Variants in CASD1 observed in about 807,000 individuals in gnomAD.
CASD1 encodes the protein N-acetylneuraminate (7)9-O-acetyltransferase.
Under a neutral mutation model 100.0 loss-of-function variants are expected in CASD1, and 41 were observed. That is an observed-to-expected ratio of 0.41 (90% CI 0.32 to 0.53). The LOEUF is 0.53. Ranked by LOEUF, CASD1 falls within the 20% of genes least tolerant of loss-of-function variation. The probability of loss-of-function intolerance (pLI) is 0.25; values close to 1 mark genes in which losing one functional copy is unlikely to be tolerated. For missense variants in CASD1, 774 were observed against 948.7 expected (o/e 0.82, Z 2.42); for synonymous variants, 321 against 315.6 (o/e 1.02, Z -0.18).
intron 1 of CASD1, among the ~76,000 whole-genome samples, chr7:94,512,159 G>T (rs927012818): frequency 6.6e-6 from 1 of 152,214 alleles, no homozygotes; most frequent in Non-Finnish European, 1.5e-5. Context: ...CTTTAGGACA[G>T]AGGTGGCCAA....
the CASD1 span, chr7:94,599,534 C>T: frequency 1.6e-6 from 1 of 634,800 alleles, no homozygotes; most frequent in South Asian, 2.0e-5. Context: ...TTAGTTTCTA[C>T]CCCTCCTAAA....
chr7:94,513,877 ATAT>A (rs970594840), intron 1 of CASD1, among the ~76,000 whole-genome samples: 1 of 152,176 alleles, frequency 6.6e-6, no homozygotes, highest in African/African-American at 2.4e-5. Context: ...AAAATTATTA[ATAT>A]TATTTTCACA....
chr7:94,568,191 A>G, the CASD1 span, among the ~76,000 whole-genome samples: 14 of 152,198 alleles, frequency 9.2e-5, no homozygotes, highest in African/African-American at 3.4e-4. Flanking sequence ...ATGAATAGCT[A>G]GTGATACAGA....
chr7:94,597,178 TTAA>T, the CASD1 span: 1 of 152,300 alleles, frequency 6.6e-6, no homozygotes, highest in Admixed American at 6.5e-5. Context: ...CCCTGATATA[TTAA>T]TGTTTCAAAA....
At chr7:94,566,714 C>A in the CASD1 span, among the ~76,000 whole-genome samples, 1 of 151,854 alleles carries the variant, frequency 6.6e-6, no homozygotes, top group Non-Finnish European at 1.5e-5. Context: ...CTCTTTTTTT[C>A]AAATGTGCCA....
intron 3 of CASD1, among the ~76,000 whole-genome samples, chr7:94,525,947 CT>C (rs1794544362): frequency 6.6e-6 from 1 of 152,164 alleles, no homozygotes; most frequent in African/African-American, 2.4e-5. Context: ...CCTTTCCCAC[CT>C]ACGATTTCTA....
chr7:94,515,621 C>T (rs1306998975), intron 1 of CASD1, among the ~76,000 whole-genome samples: 3 of 151,846 alleles, frequency 2.0e-5, no homozygotes, highest in Non-Finnish European at 2.9e-5. Context: ...TACCGGTAAC[C>T]CATATAGATG....
chr7:94,529,017 A>G (rs1794718976), intron 5 of CASD1, among the ~76,000 whole-genome samples: 1 of 152,112 alleles, frequency 6.6e-6, no homozygotes, highest in Non-Finnish European at 1.5e-5. Context: ...AGGCTTTTGT[A>G]GGATCCTGTG....
At chr7:94,587,073 C>A in the CASD1 span, 5 of 984,828 alleles carry the variant, frequency 5.1e-6, no homozygotes, top group Non-Finnish European at 6.0e-6. Context: ...AAGCAAAATA[C>A]CTGCTCCCTA....
chr7:94,630,259 A>G, the CASD1 span, among the ~76,000 whole-genome samples: 1 of 151,956 alleles, frequency 6.6e-6, no homozygotes, highest in East Asian at 1.9e-4. Flanking sequence ...CAAAGTACAG[A>G]GTAATTTTTA....
the CASD1 span, among the ~76,000 whole-genome samples, chr7:94,607,508 A>C: frequency 6.6e-6 from 1 of 152,188 alleles, no homozygotes; most frequent in Non-Finnish European, 1.5e-5. Flanking sequence ...ACATCCAAAA[A>C]TCAGTTAATA....
chr7:94,578,263 T>C, the CASD1 span, among the ~76,000 whole-genome samples: 1 of 152,180 alleles, frequency 6.6e-6, no homozygotes, highest in East Asian at 1.9e-4. Flanking sequence ...ATTTTTCTAC[T>C]TCAAATGCTT....
intron 4 of CASD1, among the ~76,000 whole-genome samples, chr7:94,527,926 G>T (rs1337771825): frequency 6.6e-6 from 1 of 152,184 alleles, no homozygotes; most frequent in Non-Finnish European, 1.5e-5. Context: ...GAATACTTAA[G>T]CAGGGGCATA....
At chr7:94,567,881 ATTC>A in the CASD1 span, among the ~76,000 whole-genome samples, 1 of 152,182 alleles carries the variant, frequency 6.6e-6, no homozygotes, top group Admixed American at 6.5e-5. Flanking sequence ...CTTTTTATGT[ATTC>A]TTACAGAGTT....
the CASD1 span, chr7:94,587,976 C>T: frequency 7.1e-7 from 1 of 1,414,130 alleles, no homozygotes; most frequent in Non-Finnish European, 9.2e-7. Flanking sequence ...ATTTTTAAAA[C>T]TTCTCTTGCT....
chr7:94,607,258 T>C, the CASD1 span, among the ~76,000 whole-genome samples: 2 of 152,160 alleles, frequency 1.3e-5, no homozygotes, highest in Non-Finnish European at 2.9e-5. Flanking sequence ...ACAATATTTC[T>C]CAGAAGACAA....
chr7:94,520,984 C>T (rs1475063065), intron 3 of CASD1, among the ~76,000 whole-genome samples: 2 of 151,844 alleles, frequency 1.3e-5, no homozygotes, highest in Admixed American at 1.3e-4. Context: ...CCTAGCTACT[C>T]GGGAGGCTGA....
intron 5 of CASD1, among the ~76,000 whole-genome samples, chr7:94,528,971 A>G (rs531553430): frequency 2.0e-5 from 3 of 152,230 alleles, no homozygotes; most frequent in African/African-American, 7.2e-5. Flanking sequence ...TCTTCACAAT[A>G]AATATTTAGT....
the CASD1 span, among the ~76,000 whole-genome samples, chr7:94,593,690 G>C: frequency 2.8e-4 from 43 of 152,106 alleles, no homozygotes; most frequent in East Asian, 8.3e-3. Flanking sequence ...GTATGGAAGA[G>C]TCTAGAGGCT....
Sources: allele counts gnomAD v4.1 joint callset (sites outside exome capture counted in the v4.1 genomes callset), GRCh38; gene constraint gnomAD v4.1.1; transcripts MANE v1.5; gene names NCBI Gene and HGNC (gene_info 2026-07-23, HGNC 2026-07-21).